RP1: variants seen among roughly 807,000 people sequenced by gnomAD.
RP1 encodes RP1 axonemal microtubule associated.
RP1 carries 16 observed loss-of-function variants against 14.8 expected under a neutral mutation model. That is an observed-to-expected ratio of 1.08 (90% CI 0.73 to 1.65). The LOEUF (loss-of-function observed/expected upper bound fraction) is 1.65, where lower values mean the gene tolerates loss of function less well. Among genes scored for constraint, RP1 ranks in the 40% most tolerant of loss-of-function variants. The pLI, the probability that RP1 is intolerant of heterozygous loss-of-function variation, is 0.00. For synonymous variants in RP1, 876 were observed against 883.6 expected, an observed-to-expected ratio of 0.99 and a Z score of 0.15; for missense variants, 2,631 against 2,535.0, an observed-to-expected ratio of 1.04 and a Z score of -0.81.
At chr8:54,756,482 A>T (rs2129367828) in intron 21 of RP1, among the ~76,000 whole-genome samples, 1 of 152,336 alleles carries the variant, frequency 6.6e-6, no homozygotes, top group Non-Finnish European at 1.5e-5. Flanking sequence ...TGGATATCTT[A>T]AAGCTCACCT....
At chr8:54,830,135 G>A (rs770516294) in intron 24 of RP1, among the ~76,000 whole-genome samples, 10 of 151,956 alleles carry the variant, frequency 6.6e-5, no homozygotes, top group South Asian at 4.1e-4. Context: ...TGTTAAAATC[G>A]CCAAATATGA....
intron 1 of RP1, among the ~76,000 whole-genome samples, chr8:54,585,654 C>A (rs987442837): frequency 6.6e-6 from 1 of 152,170 alleles, no homozygotes; most frequent in Admixed American, 6.5e-5. Flanking sequence ...TAGATTTGGT[C>A]TTTTCACATA....
chr8:54,677,377 A>T (rs1807315792), intron 8 of RP1, among the ~76,000 whole-genome samples: 1 of 152,098 alleles, frequency 6.6e-6, no homozygotes, highest in Admixed American at 6.6e-5. Context: ...TAACGGGAGT[A>T]TGTGATGAGG....
chr8:54,671,964 C>G (rs972604613), intron 7 of RP1, among the ~76,000 whole-genome samples: 2 of 152,114 alleles, frequency 1.3e-5, no homozygotes, highest in Non-Finnish European at 2.9e-5. Flanking sequence ...GAGTCACGTG[C>G]TTTACTAGGG....
exon 20 of RP1, chr8:54,754,836 C>G: frequency 6.5e-7 from 1 of 1,527,746 alleles, no homozygotes; most frequent in Non-Finnish European, 8.8e-7. Context: ...CAAGAAGATC[C>G]TAGATTTTGC....
chr8:54,699,174 C>T (rs146215673), intron 12 of RP1, among the ~76,000 whole-genome samples: 11 of 150,994 alleles, frequency 7.3e-5, no homozygotes, highest in Middle Eastern at 3.5e-3. Flanking sequence ...TGTGTATATA[C>T]GTACATACTC....
intron 3 of RP1, among the ~76,000 whole-genome samples, chr8:54,646,431 A>G (rs933274885): frequency 1.3e-5 from 2 of 152,046 alleles, no homozygotes; most frequent in Admixed American, 1.3e-4. Flanking sequence ...GTGTTGGCCT[A>G]TTACCTCATA....
At chr8:54,603,676 A>G (rs1805352216) in intron 1 of RP1, among the ~76,000 whole-genome samples, 1 of 152,112 alleles carries the variant, frequency 6.6e-6, no homozygotes, top group African/African-American at 2.4e-5. Flanking sequence ...ATGAGCATGG[A>G]ATGTTCTTCC....
intron 15 of RP1, chr8:54,719,993 A>G: frequency 1.4e-6 from 1 of 697,670 alleles, no homozygotes; most frequent in Non-Finnish European, 2.3e-6. Flanking sequence ...ACACAGGGCA[A>G]TTTACGTAAA....
At chr8:54,592,595 C>T (rs534843118) in intron 1 of RP1, among the ~76,000 whole-genome samples, 47 of 152,222 alleles carry the variant, frequency 3.1e-4, no homozygotes, top group Middle Eastern at 6.8e-3. Context: ...TGTAATTCCC[C>T]GGGGTCGGAT....
At chr8:54,758,184 G>T (rs1288616373) in intron 21 of RP1, among the ~76,000 whole-genome samples, 1 of 152,118 alleles carries the variant, frequency 6.6e-6, no homozygotes, top group African/African-American at 2.4e-5. Context: ...TTAAATTCAT[G>T]ATCCTTTCCT....
At chr8:54,729,551 C>A (rs1334697099) in intron 17 of RP1, among the ~76,000 whole-genome samples, 1 of 152,044 alleles carries the variant, frequency 6.6e-6, no homozygotes, top group Non-Finnish European at 1.5e-5. Flanking sequence ...AAGTAGAACA[C>A]ATCAAGCATA....
chr8:54,792,502 A>G (rs1164609061), intron 24 of RP1, among the ~76,000 whole-genome samples: 1 of 151,996 alleles, frequency 6.6e-6, no homozygotes, highest in African/African-American at 2.4e-5. Context: ...AAATTACATC[A>G]AGTATCTTTT....
At chr8:54,780,169 A>G (rs1003332780) in intron 23 of RP1, among the ~76,000 whole-genome samples, 1 of 152,172 alleles carries the variant, frequency 6.6e-6, no homozygotes, top group Non-Finnish European at 1.5e-5. Flanking sequence ...TAGTGTGAAA[A>G]CACCCATGTA....
intron 1 of RP1, among the ~76,000 whole-genome samples, chr8:54,569,927 C>T (rs1437349213): frequency 6.6e-6 from 1 of 152,194 alleles, no homozygotes; most frequent in Admixed American, 6.5e-5. Context: ...TCTCAGTCTC[C>T]ACCTGAGACC....
chr8:54,829,189 T>G (rs1811461635), intron 24 of RP1, among the ~76,000 whole-genome samples: 1 of 152,192 alleles, frequency 6.6e-6, no homozygotes, highest in Non-Finnish European at 1.5e-5. Context: ...AATGTTGTTA[T>G]GCAGTGCATG....
chr8:54,739,983 A>T (rs2129358733), intron 19 of RP1, among the ~76,000 whole-genome samples: 1 of 151,946 alleles, frequency 6.6e-6, no homozygotes, highest in Middle Eastern at 3.4e-3. Context: ...ATATTCAATT[A>T]TGTACAGTAC....
chr8:54,620,474 C>G (rs551411644), intron 1 of RP1, among the ~76,000 whole-genome samples: 6 of 152,280 alleles, frequency 3.9e-5, no homozygotes, highest in African/African-American at 1.4e-4. Flanking sequence ...CTGATGTTCA[C>G]ACAATGATGA....
At chr8:54,673,934 A>G (rs2129333262) in intron 8 of RP1, 3 of 1,531,734 alleles carry the variant, frequency 2.0e-6, no homozygotes, top group Non-Finnish European at 2.6e-6. Context: ...CCCAGGTAAG[A>G]CTCTTCCACA....
Sources: allele counts gnomAD v4.1 joint callset (sites outside exome capture counted in the v4.1 genomes callset), GRCh38; gene constraint gnomAD v4.1.1; transcripts MANE v1.5; gene names NCBI Gene and HGNC (gene_info 2026-07-23, HGNC 2026-07-21).